Variants in GASK1A observed in about 807,000 individuals in gnomAD.
The protein encoded by GASK1A is Golgi-associated kinase 1A.
GASK1A carries 40 observed loss-of-function variants against 41.2 expected under a neutral mutation model. The ratio of observed to expected loss-of-function variants is 0.97; its 90% confidence interval spans 0.75 to 1.27. GASK1A has a LOEUF of 1.27. GASK1A is among the 50% of genes most tolerant of loss of function. GASK1A has a pLI of 0.00. For missense variants in GASK1A, 678 were observed against 745.1 expected (o/e 0.91, Z 1.05); for synonymous variants, 316 against 307.1 (o/e 1.03, Z -0.30).
At chr3:43,034,375 C>T (rs916695847) in intron 2 of GASK1A, among the ~76,000 whole-genome samples, 2 of 152,124 alleles carry the variant, frequency 1.3e-5, no homozygotes, top group Non-Finnish European at 1.5e-5. Context: ...TCAGGGTACA[C>T]GGGCTGACTG....
At chr3:43,031,661 G>A (rs1200251533) in intron 1 of GASK1A, among the ~76,000 whole-genome samples, 3 of 152,216 alleles carry the variant, frequency 2.0e-5, no homozygotes, top group Non-Finnish European at 4.4e-5. Flanking sequence ...GTGTGCAACC[G>A]GCAGGGACGG....
chr3:42,979,564 G>A lies in GASK1A; in HGVS notation c.-79G>A. The A allele has an allele frequency of 8.1e-7, 1 of 1,234,558 alleles. No homozygotes were observed. Among genetic ancestry groups the A allele is most frequent in the Non-Finnish European group, 1.0e-6 (1 of 985,274 alleles). The allele number at this position is 1,234,558 out of a possible 1,614,324, so 76.5% of individuals were successfully genotyped here. ...GGAAGCCTGGCGAGCCACGGCGCCGGGGGCGGCCAAGGGGAGGCGGGATGA... is the reference window on the plus strand; with the variant it reads ...GGAAGCCTGGCGAGCCACGGCGCCGAGGGCGGCCAAGGGGAGGCGGGATGA... On this transcript the variant is annotated 5_prime_UTR_variant, in exon 1 of 5. Coordinates refer to ENST00000430121, the MANE Select transcript of GASK1A (RefSeq NM_001129908.3).
At chr3:43,050,757 G>A (rs2089685121) in intron 2 of GASK1A, among the ~76,000 whole-genome samples, 1 of 151,304 alleles carries the variant, frequency 6.6e-6, no homozygotes, top group South Asian at 2.1e-4. Flanking sequence ...CTATCTTCAG[G>A]TTTTCTGATT....
chr3:43,041,474 AGTGATGGT>A (rs2089637810), intron 2 of GASK1A, among the ~76,000 whole-genome samples: 1 of 152,220 alleles, frequency 6.6e-6, no homozygotes, highest in Non-Finnish European at 1.5e-5. Flanking sequence ...TCTGATGGCC[AGTGATGGT>A]GAGCATTTTT....
intron 1 of GASK1A, among the ~76,000 whole-genome samples, chr3:42,994,732 T>C (rs2089360936): frequency 6.6e-6 from 1 of 152,164 alleles, no homozygotes; most frequent in Admixed American, 6.5e-5. Context: ...ACTTGTTAAT[T>C]AGGCTTTCTC....
intron 2 of GASK1A, among the ~76,000 whole-genome samples, chr3:43,035,542 G>A (rs1232082646): frequency 2.6e-5 from 4 of 152,198 alleles, no homozygotes; most frequent in Non-Finnish European, 5.9e-5. Flanking sequence ...GTTATTCACA[G>A]TGGTAATTGC....
At position 42,994,380 on chromosome 3, in the gene GASK1A, T is replaced by C. The variant is rs554969394; in HGVS notation, c.3+14735T>C. Among the ~76,000 whole-genome samples, 63 of 152,188 alleles carry C rather than the reference T, an allele frequency of 4.1e-4. 1 individual carries two copies. The highest frequency in any genetic ancestry group is 2.9e-3 in the South Asian group (14 of 4,814). On this transcript the variant is annotated intron_variant, in intron 1 of 4. Transcript: ENST00000430121. ...GGCCTAGGGGGATGGGGAAGGCCAATGCTGGGGAGGAAGCACTGATAGGGA... is the reference window on the plus strand; with the variant it reads ...GGCCTAGGGGGATGGGGAAGGCCAACGCTGGGGAGGAAGCACTGATAGGGA...
At chr3:42,999,572 C>T (rs1575437322) in intron 1 of GASK1A, among the ~76,000 whole-genome samples, 2 of 152,202 alleles carry the variant, frequency 1.3e-5, no homozygotes, top group South Asian at 4.1e-4. Flanking sequence ...TCTTGGCCCC[C>T]CTTGTTGCCC....
At position 43,036,570 on chromosome 3, in the gene GASK1A, C is replaced by T. The variant is rs572272244; in HGVS notation, c.1290+3017C>T. ...TGCTTCACAAATCCCATATAACACT[C>T]TGTATTAGTTAGTGATTGCTGAAAT... is the stretch of plus-strand genomic sequence containing the variant. On this transcript the variant is annotated intron_variant, in intron 2 of 4. Transcript: ENST00000430121. Among the ~76,000 whole-genome samples the T allele has an allele frequency of 2.6e-5, 4 of 152,354 alleles. No individual in the cohort carries two copies. In the South Asian group the frequency reaches 8.3e-4, roughly 32 times the overall value.
At chr3:43,050,613 A>C (rs604393) in intron 2 of GASK1A, among the ~76,000 whole-genome samples, 144,677 of 152,088 alleles carry the variant, frequency 0.95, 69,201 homozygotes, top group East Asian at 1. Context: ...TTTTCACATC[A>C]TCCTCCCTTC....
intron 2 of GASK1A, among the ~76,000 whole-genome samples, chr3:43,038,756 T>G (rs557564159): frequency 6.6e-6 from 1 of 152,324 alleles, no homozygotes; most frequent in African/African-American, 2.4e-5. Flanking sequence ...GAATCACTTC[T>G]TATCATTTTT....
chr3:43,053,541 C>G lies in GASK1A; in HGVS notation c.1311C>G (p.Arg437=). 6.4e-7 allele frequency: 1 copy of G among 1,551,174 alleles called. No homozygotes were observed. Among genetic ancestry groups the G allele is most frequent in the Non-Finnish European group, 8.7e-7 (1 of 1,146,660 alleles). The change falls in exon 3 of 5, where the codon CGC becomes CGG. Residue 437 remains arginine, a synonymous_variant. Coordinates refer to ENST00000430121, the MANE Select transcript of GASK1A (RefSeq NM_001129908.3). Reference sequence around the variant, plus strand: ...CACAGGTCCACGACCGCTTGGATCGCTACTGCTGTGGCTTCGAGCCTGAGC... The same window carrying G: ...CACAGGTCCACGACCGCTTGGATCGGTACTGCTGTGGCTTCGAGCCTGAGC... ...FLLQVHDRLD[R]YCCGFEPEPS... is the part of the protein sequence containing the mutation.
rs1575431187 is a variant in GASK1A at position 42,979,327 on chromosome 3, A to G, written c.-316A>G. On this transcript the variant is annotated 5_prime_UTR_variant, in exon 1 of 5. Transcript: ENST00000430121. ...GCGGCAGGGACTTTGCAAACTCTGC[A>G]AAAGTCCCGAGTAGACCGCAGAGGC... The G allele has an allele frequency of 8.8e-6, 3 of 341,428 alleles. No individual in the cohort carries two copies. Among genetic ancestry groups the G allele is most frequent in the Non-Finnish European group, 1.6e-5 (3 of 190,014 alleles). 21.1% of individuals were successfully genotyped at this position (341,428 alleles called of 1,614,324 possible).
chr3:43,008,673 G>GC (rs747612478), intron 1 of GASK1A, among the ~76,000 whole-genome samples: 4 of 152,140 alleles, frequency 2.6e-5, no homozygotes, highest in Non-Finnish European at 4.4e-5. Flanking sequence ...GAATGCTTTC[G>GC]CCCTCACCAG....
At chr3:43,004,513 A>G (rs1023242016) in intron 1 of GASK1A, among the ~76,000 whole-genome samples, 2 of 152,306 alleles carry the variant, frequency 1.3e-5, no homozygotes, top group African/African-American at 4.8e-5. Flanking sequence ...GACTCACTGG[A>G]TAGCTCAACC....
intron 2 of GASK1A, among the ~76,000 whole-genome samples, chr3:43,044,707 G>A (rs1372323245): frequency 1.3e-5 from 2 of 152,178 alleles, no homozygotes; most frequent in African/African-American, 2.4e-5. Context: ...CCTTTTTGTA[G>A]AATGGTTTAG....
intron 1 of GASK1A, among the ~76,000 whole-genome samples, chr3:43,000,332 G>A (rs992215586): frequency 5.3e-5 from 8 of 152,236 alleles, no homozygotes; most frequent in Admixed American, 4.6e-4. Flanking sequence ...CACTTCCAGA[G>A]TTAGGGTTTT....
intron 2 of GASK1A, among the ~76,000 whole-genome samples, chr3:43,044,648 G>A (rs2089653217): frequency 6.6e-6 from 1 of 152,104 alleles, no homozygotes; most frequent in African/African-American, 2.4e-5. Context: ...TTCAAACTGG[G>A]GGTCACAAAC....
In GASK1A at chr3:43,056,179, T is replaced by C. The variant is rs1274034240; in HGVS notation, c.1521T>C (p.Phe507=). The C allele has an allele frequency of 3.2e-6, 5 of 1,549,596 alleles. No homozygotes were observed. Among genetic ancestry groups the C allele is most frequent in the Admixed American group, 2.0e-5 (1 of 50,784 alleles). ...NFRLLEGIDG[F]PESAVKVLAS... is the part of the protein sequence containing the mutation. ...GGCTCTGGGGCCTTTGCTCCAGGTT[T>C]CCTGAGTCTGCCGTGAAGGTTCTCG... Residue 507 remains phenylalanine (F), a synonymous_variant, in exon 5 of 5, where the codon TTT becomes TTC. Coordinates refer to ENST00000430121, the MANE Select transcript of GASK1A (RefSeq NM_001129908.3).
Sources: gnomAD v4.1 joint callset for allele counts (sites outside exome capture counted in the v4.1 genomes callset) on GRCh38, gnomAD v4.1.1 for gene constraint, MANE v1.5 for transcripts, NCBI Gene and HGNC (gene_info 2026-07-23, HGNC 2026-07-21) for gene names.